The following LRRC4C variants were observed in gnomAD, a reference collection of about 807,000 sequenced individuals.
LRRC4C encodes leucine-rich repeat-containing protein 4C.
LRRC4C carries 5 observed loss-of-function variants against 33.6 expected under a neutral mutation model. The ratio of observed to expected loss-of-function variants is 0.15; its 90% confidence interval spans 0.08 to 0.31. The LOEUF (loss-of-function observed/expected upper bound fraction) is 0.31, where lower values mean the gene tolerates loss of function less well. LRRC4C is among the 10% of genes least tolerant of loss of function. The pLI is 1.00. For missense variants in LRRC4C, 560 were observed against 796.7 expected (o/e 0.70, Z 3.58); for synonymous variants, 329 against 302.0 (o/e 1.09, Z -0.93).
intron 1 of LRRC4C, among the ~76,000 whole-genome samples, chr11:41,441,487 CTT>C (rs535444617): frequency 1.4e-5 from 2 of 144,710 alleles, no homozygotes; most frequent in African/African-American, 2.5e-5. Context: ...TTTCAACGCT[CTT>C]TTTTTTTTTT....
chr11:41,417,275 A>G (rs937839688), intron 1 of LRRC4C, among the ~76,000 whole-genome samples: 17 of 152,144 alleles, frequency 1.1e-4, no homozygotes, highest in African/African-American at 4.1e-4. Flanking sequence ...GAGAAGTTGT[A>G]GCAATGGCTA....
intron 5 of LRRC4C, among the ~76,000 whole-genome samples, chr11:40,226,817 G>A (rs538031763): frequency 6.6e-6 from 1 of 152,254 alleles, no homozygotes; most frequent in South Asian, 2.1e-4. Flanking sequence ...ATATACATAT[G>A]TACATATACA....
rs76129140 is a variant in LRRC4C, at chr11:40,446,703, G to C, written c.-269-126982C>G. 2.0e-5 allele frequency: 3 copies of C among 152,106 alleles called. No individual in the cohort carries two copies. In the East Asian group the frequency reaches 5.8e-4, roughly 29 times the overall value. 9.4% of individuals were successfully genotyped at this position (152,106 alleles called of 1,614,324 possible). On this transcript the variant is annotated intron_variant, in intron 3 of 6. Coordinates refer to ENST00000528697, the MANE Select transcript of LRRC4C (RefSeq NM_001258419.2). ...GAAGGCATCAGGAAACTTAACAATC[G>C]TGGTGGAAGGTGAAGGGGTGCAGGT... is the stretch of plus-strand genomic sequence containing the variant.
chr11:40,255,546 G>T (rs1867136717), intron 4 of LRRC4C, among the ~76,000 whole-genome samples: 2 of 152,146 alleles, frequency 1.3e-5, no homozygotes, highest in Admixed American at 6.5e-5. Flanking sequence ...AGAGTAATTT[G>T]TTCAGTCCAA....
intron 3 of LRRC4C, among the ~76,000 whole-genome samples, chr11:40,324,052 G>T (rs974876391): frequency 6.6e-6 from 1 of 152,152 alleles, no homozygotes; most frequent in Non-Finnish European, 1.5e-5. Flanking sequence ...AGTGTGAGAG[G>T]TGGCAAGTAT....
intron 1 of LRRC4C, among the ~76,000 whole-genome samples, chr11:41,289,869 T>A (rs1200076226): frequency 6.6e-6 from 1 of 152,082 alleles, no homozygotes; most frequent in Admixed American, 6.6e-5. Context: ...CAGTGAGAAA[T>A]CAGATGTAAG....
chr11:41,422,327 A>T (rs1954897778), intron 1 of LRRC4C, among the ~76,000 whole-genome samples: 1 of 151,988 alleles, frequency 6.6e-6, no homozygotes, highest in Admixed American at 6.6e-5. Context: ...CCTTGTCAGT[A>T]CTTGGTTTAG....
chr11:40,980,062 G>A (rs1043082353), intron 1 of LRRC4C, among the ~76,000 whole-genome samples: 1 of 152,150 alleles, frequency 6.6e-6, no homozygotes, highest in East Asian at 1.9e-4. Flanking sequence ...TGTCTGTCCT[G>A]TAGCTTTCCC....
chr11:41,397,369 T>C (rs1238475825), intron 1 of LRRC4C, among the ~76,000 whole-genome samples: 1 of 151,980 alleles, frequency 6.6e-6, no homozygotes, highest in African/African-American at 2.4e-5. Flanking sequence ...ACAATAAGGA[T>C]GAACACCTTT....
chr11:40,553,421 A>T (rs1188186169), intron 3 of LRRC4C, among the ~76,000 whole-genome samples: 1 of 152,198 alleles, frequency 6.6e-6, no homozygotes, highest in African/African-American at 2.4e-5. Context: ...TAAAATAGCT[A>T]TCTAGATTAT....
intron 2 of LRRC4C, among the ~76,000 whole-genome samples, chr11:40,900,110 TTATA>T (rs1185986830): frequency 6.6e-6 from 1 of 152,160 alleles, no homozygotes; most frequent in African/African-American, 2.4e-5. Flanking sequence ...GTTGGCATTC[TTATA>T]CTAATTAGAG....
chr11:40,823,239 A>G (rs556971682), intron 2 of LRRC4C, among the ~76,000 whole-genome samples: 22 of 151,906 alleles, frequency 1.4e-4, no homozygotes, highest in African/African-American at 4.8e-4. Context: ...AGACAAAAAC[A>G]TAAGAGAAAA....
intron 2 of LRRC4C, among the ~76,000 whole-genome samples, chr11:40,761,990 G>A (rs1949238713): frequency 6.6e-6 from 1 of 152,062 alleles, no homozygotes; most frequent in South Asian, 2.1e-4. Context: ...TTACCAATAA[G>A]GTACTCAAAA....
At chr11:41,294,936 T>C (rs1294841754) in intron 1 of LRRC4C, among the ~76,000 whole-genome samples, 1 of 152,170 alleles carries the variant, frequency 6.6e-6, no homozygotes. Context: ...AACAATGAGT[T>C]TTGCCCATAG....
At chr11:41,378,766 G>A (rs1177387970) in intron 1 of LRRC4C, among the ~76,000 whole-genome samples, 1 of 152,036 alleles carries the variant, frequency 6.6e-6, no homozygotes, top group Non-Finnish European at 1.5e-5. Flanking sequence ...TAGTCTAAGA[G>A]CAATTCCCTA....
intron 4 of LRRC4C, among the ~76,000 whole-genome samples, chr11:40,277,154 C>A (rs1445124078): frequency 1.3e-5 from 2 of 152,074 alleles, no homozygotes; most frequent in East Asian, 1.9e-4. Context: ...GTTAGTATCA[C>A]CACATCTTAA....
intron 3 of LRRC4C, among the ~76,000 whole-genome samples, chr11:40,643,933 G>A (rs1204874936): frequency 1.3e-5 from 2 of 152,068 alleles, no homozygotes; most frequent in Admixed American, 6.6e-5. Context: ...TACTCAAAAT[G>A]TCTAGGTTTC....
intron 2 of LRRC4C, among the ~76,000 whole-genome samples, chr11:40,823,064 G>C (rs1195913306): frequency 1.3e-5 from 2 of 151,616 alleles, no homozygotes; most frequent in African/African-American, 2.4e-5. Context: ...TTTCATAAAG[G>C]TATCAAAGCA....
chr11:41,162,677 A>G lies in LRRC4C; in HGVS notation c.-495-228954T>C, dbSNP rs1274252829. Among the ~76,000 whole-genome samples, 4 of 152,176 alleles carry G rather than the reference A, an allele frequency of 2.6e-5. No individual in the cohort carries two copies. In the East Asian group the frequency reaches 7.7e-4, roughly 29 times the overall value. ...AATATGTAATCATAAAAGGTACAGTAAAAACATAGTATAAAAGATAAAAAA... is the reference window on the plus strand; with the variant it reads ...AATATGTAATCATAAAAGGTACAGTGAAAACATAGTATAAAAGATAAAAAA... On this transcript the variant is annotated intron_variant, in intron 1 of 6. Transcript: ENST00000528697.
Sources: gnomAD v4.1 joint callset for allele counts (sites outside exome capture counted in the v4.1 genomes callset) on GRCh38, gnomAD v4.1.1 for gene constraint, MANE v1.5 for transcripts, NCBI Gene and HGNC (gene_info 2026-07-23, HGNC 2026-07-21) for gene names.